LARGE1: variants seen among roughly 807,000 people sequenced by gnomAD.
LARGE1 encodes xylosyl- and glucuronyltransferase LARGE1.
LARGE1 carries 43 observed loss-of-function variants against 87.6 expected under a neutral mutation model. The ratio of observed to expected loss-of-function variants is 0.49; its 90% CI spans 0.38 to 0.63. LARGE1 has a LOEUF of 0.63. LARGE1 is among the 30% of genes least tolerant of loss of function. The pLI, the probability that LARGE1 is intolerant of heterozygous loss-of-function variation, is 0.00. For missense variants in LARGE1, 802 were observed against 1,000.2 expected (o/e 0.80, Z 2.67); for synonymous variants, 434 against 394.6 (o/e 1.10, Z -1.18).
chr22:33,701,527 C>T (rs1046552129), intron 2 of LARGE1, among the ~76,000 whole-genome samples: 1 of 152,174 alleles, frequency 6.6e-6, no homozygotes, highest in African/African-American at 2.4e-5. Context: ...TTCCCTGGAT[C>T]CCAACATTCT....
chr22:33,599,888 G>A lies in LARGE1; in HGVS notation c.615+4547C>T, dbSNP rs760926651. Among the ~76,000 whole-genome samples the A allele has an allele frequency of 2.4e-4, 37 of 152,290 alleles. 1 individual carries two copies. Among genetic ancestry groups the A allele is most frequent in the Non-Finnish European group, 1.8e-4 (12 of 68,034 alleles). The stretch of plus-strand genomic sequence containing the variant: ...CTGTTCTTCCTCCTTCCCTAAGGTC[G>A]TCTACTGGATGGTGTTTTAATGTGT... On this transcript the variant is annotated intron_variant, in intron 5 of 14. Transcript: ENST00000397394.
chr22:33,577,720 A>G (rs910327790), intron 5 of LARGE1, among the ~76,000 whole-genome samples: 6 of 152,246 alleles, frequency 3.9e-5, no homozygotes, highest in Non-Finnish European at 7.3e-5. Context: ...CTCTGTTACT[A>G]GCTGCGGAGA....
chr22:33,646,832 A>C (rs912080839), intron 3 of LARGE1, among the ~76,000 whole-genome samples: 3 of 152,176 alleles, frequency 2.0e-5, no homozygotes, highest in Non-Finnish European at 4.4e-5. Context: ...GGTTCAAACG[A>C]TTCTCCTGCC....
chr22:33,557,597 G>A (rs1356358513), intron 6 of LARGE1, among the ~76,000 whole-genome samples: 2 of 152,060 alleles, frequency 1.3e-5, no homozygotes, highest in Admixed American at 6.6e-5. Flanking sequence ...AGACAGTCTC[G>A]CTCTGTCGCC....
intron 13 of LARGE1, among the ~76,000 whole-genome samples, chr22:33,282,717 C>T (rs554942684): frequency 4.6e-5 from 7 of 152,334 alleles, no homozygotes; most frequent in East Asian, 1.9e-4. Context: ...GTTGACACAA[C>T]GGCTACACGT....
chr22:33,518,381 C>T (rs903992772), intron 6 of LARGE1, among the ~76,000 whole-genome samples: 7 of 152,246 alleles, frequency 4.6e-5, no homozygotes, highest in Non-Finnish European at 1.5e-5. Context: ...TGCAGTGACA[C>T]CATCTCAGCT....
intron 12 of LARGE1, among the ~76,000 whole-genome samples, chr22:33,283,834 A>G: frequency 7.0e-6 from 1 of 142,626 alleles, no homozygotes; most frequent in African/African-American, 3.1e-5. Context: ...AAAGAAAGGA[A>G]AGAAAAGAAA....
At chr22:33,380,294 G>A (rs1200337303) in intron 9 of LARGE1, among the ~76,000 whole-genome samples, 1 of 152,056 alleles carries the variant, frequency 6.6e-6, no homozygotes, top group African/African-American at 2.4e-5. Context: ...TATACAGAAG[G>A]AACTGAATAA....
At chr22:33,089,387 CCTCT>C in the LARGE1 span, among the ~76,000 whole-genome samples, 1 of 141,018 alleles carries the variant, frequency 7.1e-6, no homozygotes, top group South Asian at 2.3e-4. Context: ...TCTTCTTCTT[CCTCT>C]TCTTCTTCTT....
chr22:33,551,655 G>A (rs2077524088), intron 6 of LARGE1, among the ~76,000 whole-genome samples: 1 of 152,098 alleles, frequency 6.6e-6, no homozygotes, highest in Admixed American at 6.6e-5. Flanking sequence ...TTGCCTCAAG[G>A]GATTTGTTTA....
At chr22:33,811,871 G>A (rs1387405123) in intron 1 of LARGE1, among the ~76,000 whole-genome samples, 1 of 152,146 alleles carries the variant, frequency 6.6e-6, no homozygotes, top group Non-Finnish European at 1.5e-5. Context: ...TTCAGGCCAG[G>A]GATAATGGGA....
chr22:33,661,922 T>C (rs1406241970), intron 2 of LARGE1, among the ~76,000 whole-genome samples: 1 of 152,204 alleles, frequency 6.6e-6, no homozygotes, highest in Non-Finnish European at 1.5e-5. Context: ...GTTCCATGAA[T>C]GTCTTGGGAC....
intron 10 of LARGE1, among the ~76,000 whole-genome samples, chr22:33,331,791 G>C (rs1025230744): frequency 1.3e-5 from 2 of 151,984 alleles, no homozygotes; most frequent in African/African-American, 2.4e-5. Flanking sequence ...TGCTTGTGTT[G>C]GCTCCTGGTC....
At chr22:33,278,822 C>T (rs1272572046) in intron 13 of LARGE1, among the ~76,000 whole-genome samples, 4 of 152,108 alleles carry the variant, frequency 2.6e-5, no homozygotes, top group Admixed American at 1.3e-4. Context: ...CCGGTTCAAG[C>T]GATTCTCCTG....
At position 33,588,809 on chromosome 22, in the gene LARGE1, A is replaced by T. The variant is rs568006789; in HGVS notation, c.615+15626T>A. ...CTTAGTATAAAGGTGATTTAGAAAC[A>T]AACCCCCACACACAGAAGGGAGGAA... is the stretch of plus-strand genomic sequence containing the variant. On this transcript the variant is annotated intron_variant, in intron 5 of 14. Coordinates refer to ENST00000397394, the MANE Select transcript of LARGE1 (RefSeq NM_133642.5). 4.1e-4 allele frequency among the ~76,000 whole-genome samples: 62 copies of T among 152,234 alleles called. No homozygotes were observed. In the East Asian group the frequency reaches 4.8e-3, roughly 12 times the overall value.
intron 2 of LARGE1, among the ~76,000 whole-genome samples, chr22:33,714,169 C>G (rs554357913): frequency 6.6e-6 from 1 of 152,214 alleles, no homozygotes; most frequent in East Asian, 1.9e-4. Context: ...ACTGTGGTGA[C>G]CAGCAGGCCA....
chr22:33,254,482 C>T (rs971027689), intron 11 of LARGE1, among the ~76,000 whole-genome samples: 4 of 152,146 alleles, frequency 2.6e-5, no homozygotes, highest in African/African-American at 4.8e-5. Context: ...ACAGTTTCTC[C>T]GTGCTAAGCA....
At chr22:33,523,366 C>T (rs771573172) in intron 6 of LARGE1, among the ~76,000 whole-genome samples, 1 of 152,092 alleles carries the variant, frequency 6.6e-6, no homozygotes, top group Admixed American at 6.5e-5. Flanking sequence ...GCAGAAGTTG[C>T]TTCTCTTTCT....
intron 1 of LARGE1, among the ~76,000 whole-genome samples, chr22:33,846,738 A>G (rs1336247337): frequency 2.0e-5 from 3 of 152,144 alleles, no homozygotes; most frequent in African/African-American, 7.2e-5. Flanking sequence ...TCTATGGTCA[A>G]GGCTGTAGGG....
Sources: gnomAD v4.1 joint callset for allele counts (sites outside exome capture counted in the v4.1 genomes callset) on GRCh38, gnomAD v4.1.1 for gene constraint, MANE v1.5 for transcripts, NCBI Gene and HGNC (gene_info 2026-07-23, HGNC 2026-07-21) for gene names.